TRIM71: variants seen among roughly 807,000 people sequenced by gnomAD.
The protein encoded by TRIM71 is E3 ubiquitin-protein ligase TRIM71.
In TRIM71, 9 loss-of-function variants were observed where a neutral mutation model predicts 61.2. That is an observed-to-expected ratio of 0.15 (90% CI 0.09 to 0.26). The LOEUF is 0.26. TRIM71 is among the 10% of genes least tolerant of loss of function. The pLI is 1.00. For synonymous variants in TRIM71, 645 were observed against 553.2 expected (o/e 1.17, Z -2.33); for missense variants, 998 against 1,238.7 (o/e 0.81, Z 2.92).
chr3:32,894,966 A>G lies in TRIM71; in HGVS notation c.*3155A>G, dbSNP rs1697063632. 6.6e-6 allele frequency: 1 copy of G among 152,202 alleles called. No homozygotes were observed. The highest frequency in any genetic ancestry group is 2.4e-5 in the African/African-American group (1 of 41,444). The allele number at this position is 152,202 out of a possible 1,614,324, so 9.4% of individuals were successfully genotyped here. ...AATTACTAGTCCCCATGGAGGTCTGATCTGGTCAGGTGGCAAGGGTTGGGT... is the reference window on the plus strand; with the variant it reads ...AATTACTAGTCCCCATGGAGGTCTGGTCTGGTCAGGTGGCAAGGGTTGGGT... On this transcript the variant is annotated 3_prime_UTR_variant, in exon 4 of 4. Transcript: ENST00000383763.
chr3:32,870,968 A>AT (rs537452978), intron 1 of TRIM71, among the ~76,000 whole-genome samples: 20,537 of 137,784 alleles, frequency 0.15, 2,848 homozygotes, highest in African/African-American at 0.36. Flanking sequence ...ACGCCCAGCA[A>AT]TTTTTTTTTT....
chr3:32,827,093 A>C (rs1244284013), intron 1 of TRIM71, among the ~76,000 whole-genome samples: 3 of 151,824 alleles, frequency 2.0e-5, no homozygotes, highest in Non-Finnish European at 4.4e-5. Context: ...GAAGCTATAA[A>C]TTATCAGTTG....
intron 1 of TRIM71, among the ~76,000 whole-genome samples, chr3:32,819,498 A>C (rs546145442): frequency 4.5e-4 from 68 of 152,260 alleles, no homozygotes; most frequent in African/African-American, 1.6e-3. Flanking sequence ...TTGTTGGGAC[A>C]GCATGGCAGT....
rs202115691 is a variant in TRIM71, at chr3:32,885,907, C to G, written c.1021-27C>G. On this transcript the variant is annotated intron_variant, in intron 2 of 3. Transcript: ENST00000383763. ...AGGAATGACAGTCCTTCTAATGCCT[C>G]GAAGTTGTTTCTTTTTGGTTTTCCA... The G allele has an allele frequency of 2.5e-6, 4 of 1,605,216 alleles. No homozygotes were observed. In the South Asian group the frequency reaches 4.5e-5, roughly 18 times the overall value.
chr3:32,876,184 C>G (rs1460591349), intron 2 of TRIM71, among the ~76,000 whole-genome samples: 1 of 152,174 alleles, frequency 6.6e-6, no homozygotes, highest in Non-Finnish European at 1.5e-5. Flanking sequence ...TTGTGTCTTT[C>G]ATTTTATGCC....
rs372849796 is a variant in TRIM71, at chr3:32,859,784, A to C, written c.853-14034A>C. On this transcript the variant is annotated intron_variant, in intron 1 of 3. Transcript: ENST00000383763. ...TGCTTCTTTGTAGTGGACTGTGCAC[A>C]CTGGTGGGAAGAGGGATGGGGAGCA... 2.2e-4 allele frequency among the ~76,000 whole-genome samples: 33 copies of C among 152,164 alleles called. No homozygotes were observed. The East Asian group carries it at 4.8e-3, about 22-fold the overall frequency.
At chr3:32,853,773 A>C (rs528765399) in intron 1 of TRIM71, among the ~76,000 whole-genome samples, 1 of 152,260 alleles carries the variant, frequency 6.6e-6, no homozygotes, top group South Asian at 2.1e-4. Flanking sequence ...TTGGGAGGCC[A>C]AGGCAGGCAG....
rs532610664 is a variant in TRIM71, at chr3:32,860,356, G to A, written c.853-13462G>A. On this transcript the variant is annotated intron_variant, in intron 1 of 3. Transcript: ENST00000383763. ...GTATTTTTAATAGATACAGGGTTTC[G>A]CTGTGGCCAGGCCGGTCTCGAACTC... 6.1e-4 allele frequency among the ~76,000 whole-genome samples: 92 copies of A among 151,956 alleles called. 2 individuals are homozygous for A. The highest frequency in any genetic ancestry group is 5.4e-3 in the Admixed American group (82 of 15,262).
intron 2 of TRIM71, among the ~76,000 whole-genome samples, chr3:32,880,942 CAAAG>C (rs1251808611): frequency 6.6e-6 from 1 of 151,938 alleles, no homozygotes; most frequent in African/African-American, 2.4e-5. Flanking sequence ...ATACAACTAA[CAAAG>C]GAAGAAACCC....
chr3:32,839,880 T>A (rs1327994683), intron 1 of TRIM71, among the ~76,000 whole-genome samples: 3 of 152,016 alleles, frequency 2.0e-5, no homozygotes, highest in African/African-American at 7.2e-5. Context: ...AAGACCTGAG[T>A]GCTTTTGAGG....
At chr3:32,833,453 A>G (rs892367583) in intron 1 of TRIM71, among the ~76,000 whole-genome samples, 12 of 151,860 alleles carry the variant, frequency 7.9e-5, no homozygotes, top group Admixed American at 5.9e-4. Context: ...TGTGTCCTTA[A>G]TCTGCTTCTG....
chr3:32,883,307 T>G (rs756335141), intron 2 of TRIM71, among the ~76,000 whole-genome samples: 1 of 152,260 alleles, frequency 6.6e-6, no homozygotes, highest in African/African-American at 2.4e-5. Context: ...TGTATTAGTT[T>G]ATCGGGTCTG....
rs1221296106 is a variant in TRIM71, at chr3:32,861,626, G to C, written c.853-12192G>C. Reference sequence around the variant, plus strand: ...TCCCTCTTTCACCTGCTTTTGCACTGAAGATGTTTGCTCTGCTCTCGCTCA... The same window carrying C: ...TCCCTCTTTCACCTGCTTTTGCACTCAAGATGTTTGCTCTGCTCTCGCTCA... On this transcript the variant is annotated intron_variant, in intron 1 of 3. Coordinates refer to ENST00000383763, the MANE Select transcript of TRIM71 (RefSeq NM_001039111.3). Among the ~76,000 whole-genome samples, 5 of 152,110 alleles carry C rather than the reference G, an allele frequency of 3.3e-5. No homozygotes were observed. The East Asian group carries it at 9.7e-4, about 29-fold the overall frequency.
intron 1 of TRIM71, among the ~76,000 whole-genome samples, chr3:32,871,380 C>T (rs944944856): frequency 2.6e-5 from 4 of 152,170 alleles, no homozygotes; most frequent in South Asian, 2.1e-4. Flanking sequence ...AGAACGGATG[C>T]GTTCTCAAGG....
intron 1 of TRIM71, among the ~76,000 whole-genome samples, chr3:32,826,581 T>C (rs1696204321): frequency 9.3e-6 from 1 of 108,058 alleles, no homozygotes; most frequent in African/African-American, 3.6e-5. Flanking sequence ...TCAGGTGAGT[T>C]CTTTTTTTTT....
rs1488973494 is a variant in TRIM71 at position 32,894,533 on chromosome 3, G to C, written c.*2722G>C. 3 of 152,224 alleles carry C rather than the reference G, an allele frequency of 2.0e-5. No individual in the cohort carries two copies. The highest frequency in any genetic ancestry group is 7.2e-5 in the African/African-American group (3 of 41,512). The allele number at this position is 152,224 out of a possible 1,614,324, so 9.4% of individuals were successfully genotyped here. On this transcript the variant is annotated 3_prime_UTR_variant, in exon 4 of 4. Transcript: ENST00000383763. The stretch of plus-strand genomic sequence containing the variant: ...CAGAGATACTACCTCTTTGTCCTCA[G>C]TGGTGGTATATCTATCTCCTTACCT...
chr3:32,829,703 C>G (rs1420903116), intron 1 of TRIM71, among the ~76,000 whole-genome samples: 1 of 151,504 alleles, frequency 6.6e-6, no homozygotes, highest in Non-Finnish European at 1.5e-5. Context: ...GGAATCAAAT[C>G]ACAAGAAAGG....
chr3:32,855,979 T>G (rs1696599148), intron 1 of TRIM71, among the ~76,000 whole-genome samples: 1 of 151,888 alleles, frequency 6.6e-6, no homozygotes. Context: ...GTACCTAGTT[T>G]TCTCTAATAG....
intron 1 of TRIM71, among the ~76,000 whole-genome samples, chr3:32,871,416 G>C (rs1696793873): frequency 6.6e-6 from 1 of 152,148 alleles, no homozygotes; most frequent in Non-Finnish European, 1.5e-5. Flanking sequence ...AAGCAGGGAG[G>C]CCACCCGAAG....
Sources: allele counts gnomAD v4.1 joint callset (sites outside exome capture counted in the v4.1 genomes callset), GRCh38; gene constraint gnomAD v4.1.1; transcripts MANE v1.5; gene names NCBI Gene and HGNC (gene_info 2026-07-23, HGNC 2026-07-21).